Variants in NRG2 observed in about 807,000 individuals in gnomAD.
The protein encoded by NRG2 is neuregulin 2.
In NRG2, 27 loss-of-function variants were observed where a neutral mutation model predicts 73.9. That is an observed-to-expected ratio of 0.37 (90% CI 0.27 to 0.50). The LOEUF is 0.50. NRG2 is among the 20% of genes least tolerant of loss of function. The pLI is 0.96. For missense variants in NRG2, 1,126 were observed against 1,210.1 expected (o/e 0.93, Z 1.03); for synonymous variants, 532 against 541.0 (o/e 0.98, Z 0.23).
rs1181064765 is a variant in NRG2, at chr5:140,008,671, C to T, written c.700+33699G>A. 6.6e-6 allele frequency among the ~76,000 whole-genome samples: 1 copy of T among 152,094 alleles called. No individual in the cohort carries two copies. Among genetic ancestry groups the T allele is most frequent in the Non-Finnish European group, 1.5e-5 (1 of 68,022 alleles). ...TCAGCATTAAATGCCAACTTAAAAC[C>T]TAGAATATAAGAGAATGCTTATTTA... On this transcript the variant is annotated intron_variant, in intron 1 of 9. Coordinates refer to ENST00000361474, the MANE Select transcript of NRG2 (RefSeq NM_004883.3). The surrounding 1 kb of genome is among the most constrained non-coding windows in gnomAD (Gnocchi z 4.2).
At chr5:139,859,949 G>T (rs1762046509) in intron 5 of NRG2, 5 of 1,610,206 alleles carry the variant, frequency 3.1e-6, no homozygotes, top group East Asian at 2.2e-5. Context: ...CAAAGGGAGG[G>T]GTGGAGGGAG....
chr5:139,882,367 C>A (rs566192509), intron 2 of NRG2, among the ~76,000 whole-genome samples: 34 of 152,304 alleles, frequency 2.2e-4, no homozygotes, highest in Admixed American at 7.8e-4. Context: ...GTCCTCCCAA[C>A]AAGGGTGCTA....
intron 1 of NRG2, among the ~76,000 whole-genome samples, chr5:140,037,471 T>C (rs1761588559): frequency 6.6e-6 from 1 of 152,200 alleles, no homozygotes; most frequent in Non-Finnish European, 1.5e-5. Context: ...TAATAGATAC[T>C]TGAGATAGAG....
At chr5:139,965,557 T>C (rs1487499282) in intron 1 of NRG2, among the ~76,000 whole-genome samples, 2 of 152,196 alleles carry the variant, frequency 1.3e-5, no homozygotes, top group Non-Finnish European at 2.9e-5. Flanking sequence ...GATGCTCCAA[T>C]GTATAACAGG....
At chr5:139,955,553 C>T in intron 1 of NRG2, among the ~76,000 whole-genome samples, 1 of 152,168 alleles carries the variant, frequency 6.6e-6, no homozygotes, top group Admixed American at 6.5e-5. Context: ...ATGGGAGGGG[C>T]TGTGGTGCTC....
intron 1 of NRG2, among the ~76,000 whole-genome samples, chr5:140,025,990 C>A (rs568038445): frequency 6.6e-6 from 1 of 152,232 alleles, no homozygotes; most frequent in East Asian, 1.9e-4. Flanking sequence ...TTCATTCCGA[C>A]TGAGGGGATC....
intron 1 of NRG2, among the ~76,000 whole-genome samples, chr5:139,927,977 C>T (rs1393806984): frequency 6.6e-6 from 1 of 151,960 alleles, no homozygotes; most frequent in Admixed American, 6.6e-5. Flanking sequence ...GGGTGCTAGG[C>T]CCTTACTCTG....
intron 1 of NRG2, among the ~76,000 whole-genome samples, chr5:139,935,755 T>C (rs990553586): frequency 6.6e-6 from 1 of 151,850 alleles, no homozygotes; most frequent in Non-Finnish European, 1.5e-5. Context: ...AGGCTGGCAG[T>C]TGGAGACCAG....
intron 1 of NRG2, among the ~76,000 whole-genome samples, chr5:139,907,677 C>G (rs185005802): frequency 6.6e-6 from 1 of 152,096 alleles, no homozygotes; most frequent in South Asian, 2.1e-4. Flanking sequence ...AAAGGGGGCA[C>G]GAGCACTCTC....
In NRG2 at chr5:139,846,791, TTCTGATTTTATTTATAATATAAAA is replaced by T. The variant is rs1426539371; in HGVS notation, c.*1102_*1125del. On this transcript the variant is annotated 3_prime_UTR_variant, in exon 10 of 10. Coordinates refer to ENST00000361474, the MANE Select transcript of NRG2 (RefSeq NM_004883.3). ...GCACACACAGTCAAACAGGAGTTAT[TTCTGATTTTATTTATAATATAAAA>T]ATGTTCAAGTGTCAACAGTCAGGTG... The T allele has an allele frequency of 6.6e-6, 1 of 152,232 alleles. No homozygotes were observed. Among genetic ancestry groups the T allele is most frequent in the African/African-American group, 2.4e-5 (1 of 41,452 alleles). 9.4% of individuals were successfully genotyped at this position (152,232 alleles called of 1,614,324 possible).
chr5:139,882,127 G>T (rs1026356560), intron 2 of NRG2, among the ~76,000 whole-genome samples: 1 of 152,180 alleles, frequency 6.6e-6, no homozygotes, highest in Non-Finnish European at 1.5e-5. Flanking sequence ...TGTGTAGTGG[G>T]CTGGAGAGAT....
intron 1 of NRG2, among the ~76,000 whole-genome samples, chr5:139,916,573 G>A (rs940017113): frequency 6.6e-6 from 1 of 151,724 alleles, no homozygotes; most frequent in African/African-American, 2.4e-5. Context: ...TTCATCCCCT[G>A]GCAACCACTG....
At chr5:139,950,481 A>C (rs1474308698) in intron 1 of NRG2, among the ~76,000 whole-genome samples, 1 of 151,988 alleles carries the variant, frequency 6.6e-6, no homozygotes, top group Admixed American at 6.6e-5. Flanking sequence ...TCCCATTTCC[A>C]CTTCTTTAGG....
At chr5:139,967,246 C>T (rs1755598354) in intron 1 of NRG2, among the ~76,000 whole-genome samples, 1 of 152,160 alleles carries the variant, frequency 6.6e-6, no homozygotes, top group Non-Finnish European at 1.5e-5. Context: ...ACCTTCACTC[C>T]AGGGACTATT....
At chr5:139,907,982 G>A (rs1472097095) in intron 1 of NRG2, among the ~76,000 whole-genome samples, 1 of 152,224 alleles carries the variant, frequency 6.6e-6, no homozygotes, top group African/African-American at 2.4e-5. Context: ...TTATCCTCAC[G>A]ACAATCCTGT....
chr5:139,914,531 T>C (rs1751101629), intron 1 of NRG2, among the ~76,000 whole-genome samples: 1 of 152,162 alleles, frequency 6.6e-6, no homozygotes, highest in Admixed American at 6.5e-5. Context: ...AGCAACAGCT[T>C]CATAAGCTCC....
At position 139,855,735 on chromosome 5, in the gene NRG2, G is replaced by A. The variant is rs61730782; in HGVS notation, c.1233C>T (p.Gly411=). 83 of 1,614,094 alleles carry A rather than the reference G, an allele frequency of 5.1e-5. No individual in the cohort carries two copies. In the African/African-American group the frequency reaches 7.5e-4, roughly 15 times the overall value. Reference sequence around the variant, plus strand: ...CCACGACCAGCAGAGCCACGCAGATGCCCGTGATGGTCAGGACCCTCTTCT... The same window carrying A: ...CCACGACCAGCAGAGCCACGCAGATACCCGTGATGGTCAGGACCCTCTTCT... ...LYQKRVLTIT[G]ICVALLVVGI... The change falls in exon 6 of 10, where the codon GGC becomes GGT. Residue 411 remains glycine (G), a synonymous_variant. Coordinates refer to ENST00000361474, the MANE Select transcript of NRG2 (RefSeq NM_004883.3).
intron 1 of NRG2, among the ~76,000 whole-genome samples, chr5:139,985,926 G>T (rs1377070178): frequency 1.3e-5 from 2 of 152,164 alleles, no homozygotes; most frequent in Non-Finnish European, 2.9e-5. Context: ...GTCATACAGT[G>T]AGTCAGTGTG....
intron 1 of NRG2, among the ~76,000 whole-genome samples, chr5:139,961,283 G>C (rs1755038317): frequency 6.6e-6 from 1 of 152,034 alleles, no homozygotes; most frequent in Admixed American, 6.5e-5. Context: ...TCTAGGTTTC[G>C]GCAGGGCCTT....
Sources: allele counts gnomAD v4.1 joint callset (sites outside exome capture counted in the v4.1 genomes callset), GRCh38; gene constraint gnomAD v4.1.1; non-coding constraint Gnocchi (gnomAD v3.1); transcripts MANE v1.5; gene names NCBI Gene and HGNC (gene_info 2026-07-23, HGNC 2026-07-21).